The following LMNTD1 variants were observed in gnomAD, a reference collection of about 807,000 sequenced individuals.
LMNTD1 encodes the protein lamin tail domain containing 1.
Under a neutral mutation model 50.9 loss-of-function variants are expected in LMNTD1, and 35 were observed. The observed-to-expected ratio is 0.69, with a 90% CI of 0.53 to 0.91. The LOEUF (loss-of-function observed/expected upper bound fraction) is 0.91, where lower values mean the gene tolerates loss of function less well. LMNTD1 is among the 40% of genes least tolerant of loss of function. LMNTD1 has a pLI of 0.00. For synonymous variants in LMNTD1, 153 were observed against 161.9 expected, an observed-to-expected ratio of 0.94 and a Z score of 0.42; for missense variants, 470 against 475.5, an observed-to-expected ratio of 0.99 and a Z score of 0.11.
intron 1 of LMNTD1, among the ~76,000 whole-genome samples, chr12:25,569,289 T>A (rs1048294028): frequency 2.0e-5 from 3 of 152,260 alleles, no homozygotes; most frequent in African/African-American, 7.2e-5. Flanking sequence ...CAGACTTGCA[T>A]GGGGCTATTG....
intron 1 of LMNTD1, among the ~76,000 whole-genome samples, chr12:25,564,876 A>T (rs367993090): frequency 1.9e-3 from 288 of 152,284 alleles, no homozygotes; most frequent in African/African-American, 6.6e-3. Context: ...CTTTATCTCT[A>T]ATAATATTTG....
At chr12:25,485,349 G>A (rs1454215775) in intron 9 of LMNTD1, among the ~76,000 whole-genome samples, 1 of 137,924 alleles carries the variant, frequency 7.3e-6, no homozygotes, top group East Asian at 2.0e-4. Context: ...TTTTGATGGG[G>A]TTGTTTGTTT....
At position 25,526,889 on chromosome 12, in the gene LMNTD1, A is replaced by G. The variant is rs200485290; in HGVS notation, c.558T>C (p.Ser186=). 9 of 1,613,112 alleles carry G rather than the reference A, an allele frequency of 5.6e-6. No homozygotes were observed. The East Asian group carries it at 1.6e-4, about 28-fold the overall frequency. ...VKGLFVKLIN[S]SLDKEMAIGD... ...CAATTGCCATTTCTTTGTCAAGGGAAGAGTTAATGAGCTTCACGAACAAAC... is the reference window on the plus strand; with the variant it reads ...CAATTGCCATTTCTTTGTCAAGGGAGGAGTTAATGAGCTTCACGAACAAAC... The change falls in exon 5 of 10, where the codon TCT becomes TCC. Residue 186 remains serine (S), a synonymous_variant. Coordinates refer to ENST00000458174, the MANE Select transcript of LMNTD1 (RefSeq NM_001145728.2).
At chr12:25,571,093 TTA>T (rs1252459049) in intron 1 of LMNTD1, among the ~76,000 whole-genome samples, 2 of 152,204 alleles carry the variant, frequency 1.3e-5, no homozygotes, top group African/African-American at 4.8e-5. Flanking sequence ...CTTGAAATCC[TTA>T]GTAATTTTTA....
chr12:25,588,913 C>T (rs912477867), intron 1 of LMNTD1, among the ~76,000 whole-genome samples: 1 of 152,056 alleles, frequency 6.6e-6, no homozygotes, highest in African/African-American at 2.4e-5. Flanking sequence ...CAGGGAAATT[C>T]AAATTAAAAT....
intron 3 of LMNTD1, chr12:25,547,219 A>C: frequency 1.0e-6 from 1 of 962,102 alleles, no homozygotes; most frequent in East Asian, 1.1e-4. Context: ...GCAAAGGGGG[A>C]GTTACATTAC....
At chr12:25,638,393 A>G (rs1389810596) in intron 1 of LMNTD1, among the ~76,000 whole-genome samples, 1 of 152,100 alleles carries the variant, frequency 6.6e-6, no homozygotes, top group Admixed American at 6.5e-5. Context: ...AGAAAGAAGT[A>G]GTAGTTTATC....
At chr12:25,616,710 T>C (rs1327468958) in intron 1 of LMNTD1, among the ~76,000 whole-genome samples, 1 of 152,202 alleles carries the variant, frequency 6.6e-6, no homozygotes, top group Non-Finnish European at 1.5e-5. Flanking sequence ...AAATTGCATA[T>C]GAATCTACAA....
chr12:25,600,942 T>A (rs551486902), intron 1 of LMNTD1, among the ~76,000 whole-genome samples: 142 of 152,008 alleles, frequency 9.3e-4, no homozygotes, highest in Non-Finnish European at 1.5e-3. Context: ...GCAATCCCAC[T>A]GCTGAGTATA....
At chr12:25,520,108 T>C in intron 6 of LMNTD1, 33 bp from the exon 7 acceptor site, 2 of 1,358,520 alleles carry the variant, frequency 1.5e-6, no homozygotes, top group Non-Finnish European at 2.1e-6. Flanking sequence ...GTTGGCTATG[T>C]ATATTTGAGG....
At chr12:25,593,685 C>T (rs1362253802) in intron 1 of LMNTD1, among the ~76,000 whole-genome samples, 3 of 151,532 alleles carry the variant, frequency 2.0e-5, no homozygotes, top group Non-Finnish European at 2.9e-5. Context: ...AGCTCACCAG[C>T]AATGGGTCCA....
upstream of LMNTD1, among the ~76,000 whole-genome samples, chr12:25,557,817 A>G (rs566234806): frequency 3.0e-4 from 46 of 152,350 alleles, no homozygotes; most frequent in South Asian, 8.3e-4. Flanking sequence ...GAGGTTTCCT[A>G]TTGATATAAA....
intron 1 of LMNTD1, among the ~76,000 whole-genome samples, chr12:25,586,992 C>T (rs1051926114): frequency 6.6e-6 from 1 of 152,196 alleles, no homozygotes; most frequent in African/African-American, 2.4e-5. Context: ...CAGCACTGAA[C>T]CACATGTAGT....
Position 25,549,403 on chromosome 12 carries a change from C to T in LMNTD1, c.233G>A (p.Arg78Lys). The change falls in exon 3 of 10, where the codon AGA becomes AAA. Residue 78 changes from arginine (R) to lysine (K), a missense_variant. By Grantham distance (26) the Arg-to-Lys change is conservative. Coordinates refer to ENST00000458174, the MANE Select transcript of LMNTD1 (RefSeq NM_001145728.2). Reference sequence around the variant, plus strand: ...TTGTCCAGTTGTTGATATAGTTACTCTACTAATCTGAGGACTAGACAGATA... The same window carrying T: ...TTGTCCAGTTGTTGATATAGTTACTTTACTAATCTGAGGACTAGACAGATA... ...GYYLSSPQIS[R>K]VTISTTGQLT... 6.2e-7 allele frequency: 1 copy of T among 1,613,104 alleles called. No homozygotes were observed. Among genetic ancestry groups the T allele is most frequent in the Non-Finnish European group, 8.5e-7 (1 of 1,179,260 alleles).
chr12:25,637,597 T>C (rs1326347839), intron 1 of LMNTD1, among the ~76,000 whole-genome samples: 6 of 152,042 alleles, frequency 3.9e-5, no homozygotes, highest in East Asian at 1.9e-4. Context: ...AGAAAATGTA[T>C]CCTCAGAGAA....
At chr12:25,614,652 A>C (rs1257849359) in intron 1 of LMNTD1, among the ~76,000 whole-genome samples, 1 of 152,224 alleles carries the variant, frequency 6.6e-6, no homozygotes, top group Non-Finnish European at 1.5e-5. Context: ...CAGACTTGGC[A>C]GATTGCAGAG....
intron 1 of LMNTD1, among the ~76,000 whole-genome samples, chr12:25,579,667 A>G (rs192072947): frequency 1.1e-4 from 16 of 152,260 alleles, no homozygotes; most frequent in Admixed American, 9.8e-4. Context: ...TGTTATCTCC[A>G]TCTCCCTGTG....
intron 1 of LMNTD1, among the ~76,000 whole-genome samples, chr12:25,575,938 GT>G (rs1392158591): frequency 1.3e-5 from 2 of 152,152 alleles, no homozygotes; most frequent in African/African-American, 4.8e-5. Flanking sequence ...AGAACATGGG[GT>G]GTTTGGTTTT....
Position 25,482,841 on chromosome 12 carries a change from C to T in LMNTD1, c.*23-6381G>A, listed in dbSNP as rs537030239. On this transcript the variant is annotated intron_variant, in intron 9 of 9. Transcript: ENST00000458174. Reference sequence around the variant, plus strand: ...AATTAAATTAATTATCATTTGTCAACAGCATTCTGAGGCCCAGAAAGTCTG... The same window carrying T: ...AATTAAATTAATTATCATTTGTCAATAGCATTCTGAGGCCCAGAAAGTCTG... Among the ~76,000 whole-genome samples, 144 of 152,036 alleles carry T rather than the reference C, an allele frequency of 9.5e-4. 1 individual carries two copies. Among genetic ancestry groups the T allele is most frequent in the African/African-American group, 3.4e-3 (142 of 41,330 alleles).
Sources: allele counts gnomAD v4.1 joint callset (sites outside exome capture counted in the v4.1 genomes callset), GRCh38; gene constraint gnomAD v4.1.1; transcripts MANE v1.5; gene names NCBI Gene and HGNC (gene_info 2026-07-23, HGNC 2026-07-21).